The following IARS2 variants were observed in gnomAD, a reference collection of about 807,000 sequenced individuals.
The protein encoded by IARS2 is isoleucine--tRNA ligase, mitochondrial.
In IARS2, 56 loss-of-function variants were observed where a neutral mutation model predicts 126.3. The observed-to-expected ratio is 0.44, with a 90% CI of 0.36 to 0.55. The LOEUF is 0.55. IARS2 is among the 20% of genes least tolerant of loss of function. The pLI is 0.00. For missense variants in IARS2, 1,127 were observed against 1,245.9 expected (o/e 0.90, Z 1.44); for synonymous variants, 407 against 441.1 (o/e 0.92, Z 0.97).
At chr1:220,128,101 T>G (rs985104283) in intron 14 of IARS2, among the ~76,000 whole-genome samples, 5 of 152,170 alleles carry the variant, frequency 3.3e-5, no homozygotes, top group Admixed American at 3.3e-4. Flanking sequence ...ATATGCAATT[T>G]TTTTCAATGA....
intron 14 of IARS2, among the ~76,000 whole-genome samples, chr1:220,132,622 T>A (rs760941384): frequency 6.7e-6 from 1 of 150,166 alleles, no homozygotes; most frequent in African/African-American, 2.5e-5. Context: ...ACCTCCCAGG[T>A]TCAAGCAGTT....
Position 220,125,178 on chromosome 1 carries a change from T to C in IARS2, c.1641-59T>C, listed in dbSNP as rs1338192425. On this transcript the variant is annotated intron_variant, in intron 12 of 22. Transcript: ENST00000366922. ...AAATCACTATTTCTTAATTTTAAAATGTTTGTTATTCATCACAATAGTTAA... is the reference window on the plus strand; with the variant it reads ...AAATCACTATTTCTTAATTTTAAAACGTTTGTTATTCATCACAATAGTTAA... 8 of 943,610 alleles carry C rather than the reference T, an allele frequency of 8.5e-6. No individual in the cohort carries two copies. The Admixed American group carries it at 1.8e-4, about 22-fold the overall frequency. 58.5% of individuals were successfully genotyped at this position (943,610 alleles called of 1,614,324 possible).
intron 12 of IARS2, among the ~76,000 whole-genome samples, chr1:220,115,709 A>G (rs1656899906): frequency 6.6e-6 from 1 of 151,462 alleles, no homozygotes; most frequent in Non-Finnish European, 1.5e-5. Context: ...AGTTGCTTGG[A>G]AATCTGTGAG....
At chr1:220,135,295 A>G (rs893564027) in intron 15 of IARS2, among the ~76,000 whole-genome samples, 2 of 152,224 alleles carry the variant, frequency 1.3e-5, no homozygotes, top group African/African-American at 4.8e-5. Flanking sequence ...AATCAGAAAG[A>G]TTCCTAAATA....
Position 220,114,420 on chromosome 1 carries a change from G to A in IARS2, c.1586G>A (p.Gly529Asp). 1 of 1,613,868 alleles carries A rather than the reference G, an allele frequency of 6.2e-7. No individual in the cohort carries two copies. The highest frequency in any genetic ancestry group is 8.5e-7 in the Non-Finnish European group (1 of 1,179,838). Reference protein sequence around the residue: ...YWCISRQRVWGVPIPVFHHKT... With the variant: ...YWCISRQRVWDVPIPVFHHKT... ...TGTATATCAAGGCAAAGAGTTTGGG[G>A]TGTTCCAATTCCTGTGTTTCATCAT... Residue 529 changes from glycine (G) to aspartate (D), a missense_variant, in exon 12 of 23, where the codon GGT (glycine) becomes GAT (aspartate). By Grantham distance (94) the Gly-to-Asp change is moderately conservative. Coordinates refer to ENST00000366922, the MANE Select transcript of IARS2 (RefSeq NM_018060.4).
In IARS2 at chr1:220,114,462, A is replaced by G; in HGVS notation, c.1628A>G (p.Tyr543Cys). The G allele has an allele frequency of 6.2e-7, 1 of 1,610,208 alleles. No homozygotes were observed. Among genetic ancestry groups the G allele is most frequent in the Non-Finnish European group, 8.5e-7 (1 of 1,178,752 alleles). The change falls in exon 12 of 23, where the codon TAC becomes TGC. Residue 543 changes from tyrosine (Y) to cysteine (C), a missense_variant. Coordinates refer to ENST00000366922, the MANE Select transcript of IARS2 (RefSeq NM_018060.4). ...PVFHHKTKDE[Y>C]LINSQTTEHI... Reference sequence around the variant, plus strand: ...TTTCATCATAAGACCAAGGATGAATACTTGATCAACAGGTAGAATGCTTTC... The same window carrying G: ...TTTCATCATAAGACCAAGGATGAATGCTTGATCAACAGGTAGAATGCTTTC...
At chr1:220,145,915 G>A (rs968290588) in intron 22 of IARS2, among the ~76,000 whole-genome samples, 1 of 152,178 alleles carries the variant, frequency 6.6e-6, no homozygotes, top group Admixed American at 6.5e-5. Flanking sequence ...AATGGTCACT[G>A]TATATGAAGT....
At chr1:220,140,388 A>G (rs899977688) in intron 19 of IARS2, 99 bp downstream of exon 19, 123 of 706,714 alleles carry the variant, frequency 1.7e-4, no homozygotes, top group Middle Eastern at 3.7e-4. Context: ...GGTGGATGAC[A>G]TGAGGCCAGG....
chr1:220,097,421 T>C (rs2102816038), intron 2 of IARS2, among the ~76,000 whole-genome samples: 1 of 149,748 alleles, frequency 6.7e-6, no homozygotes, highest in South Asian at 2.1e-4. Context: ...TGGAGTGCAG[T>C]GGTGCAATCT....
chr1:220,110,974 T>C, intron 11 of IARS2, 37 bp downstream of exon 11: 2 of 1,599,490 alleles, frequency 1.3e-6, no homozygotes, highest in Non-Finnish European at 1.7e-6. Context: ...GTCGGGCATA[T>C]CATTCCCTCA....
chr1:220,115,247 T>C (rs1215465182), intron 12 of IARS2, among the ~76,000 whole-genome samples: 2 of 152,194 alleles, frequency 1.3e-5, no homozygotes, highest in Non-Finnish European at 2.9e-5. Context: ...TCTTAAGCTT[T>C]ATTAAAGCAT....
Position 220,095,709 on chromosome 1 carries a change from T to C in IARS2, c.268-395T>C, listed in dbSNP as rs1295365259. 2.0e-5 allele frequency among the ~76,000 whole-genome samples: 3 copies of C among 152,154 alleles called. No individual in the cohort carries two copies. In the East Asian group the frequency reaches 5.8e-4, roughly 29 times the overall value. The stretch of plus-strand genomic sequence containing the variant: ...GCATGTTGTTCCCAGATTTGGGGAA[T>C]GGCAAGCATTGCCGCCAAAGAATAG... On this transcript the variant is annotated intron_variant, in intron 1 of 22. Coordinates refer to ENST00000366922, the MANE Select transcript of IARS2 (RefSeq NM_018060.4).
intron 12 of IARS2, chr1:220,118,167 T>A: frequency 2.0e-6 from 1 of 502,106 alleles, no homozygotes; most frequent in South Asian, 1.5e-5. Flanking sequence ...TTGGTAACCA[T>A]CAAAAGTAAC....
chr1:220,114,372 T>A lies in IARS2; in HGVS notation c.1538T>A (p.Met513Lys). Residue 513 changes from methionine to lysine, a missense_variant, in exon 12 of 23, where the codon ATG (methionine) becomes AAG (lysine). Physicochemically the swap from Met to Lys is moderately conservative, Grantham distance 95. Transcript: ENST00000366922. ...PGSALNGMVE[M>K]MDRRPYWCIS... ...TCAGCACTGAATGGCATGGTTGAAA[T>A]GATGGACAGGCGGCCATATTGGTGT... is the stretch of plus-strand genomic sequence containing the variant. 6.2e-7 allele frequency: 1 copy of A among 1,614,022 alleles called. No homozygotes were observed. The highest frequency in any genetic ancestry group is 8.5e-7 in the Non-Finnish European group (1 of 1,179,870).
intron 12 of IARS2, among the ~76,000 whole-genome samples, chr1:220,118,449 T>C (rs531528718): frequency 6.6e-6 from 1 of 152,218 alleles, no homozygotes; most frequent in Admixed American, 6.5e-5. Context: ...AAGAAATAAT[T>C]CCATTTCTGA....
chr1:220,132,019 A>T (rs1657280804), intron 14 of IARS2, among the ~76,000 whole-genome samples: 2 of 150,870 alleles, frequency 1.3e-5, no homozygotes, highest in Non-Finnish European at 3.0e-5. Context: ...GATGGTCTCG[A>T]TCTCCTGACC....
chr1:220,113,735 CT>C (rs1208862973), intron 11 of IARS2, among the ~76,000 whole-genome samples: 1 of 152,042 alleles, frequency 6.6e-6, no homozygotes, highest in Non-Finnish European at 1.5e-5. Context: ...ACCTTGAACT[CT>C]TGGGCTCAAG....
chr1:220,146,833 G>A (rs3767656), intron 22 of IARS2, among the ~76,000 whole-genome samples: 7,449 of 151,978 alleles, frequency 0.049, 205 homozygotes, highest in African/African-American at 0.074. Context: ...CACCACACCC[G>A]GCCAATTTTT....
chr1:220,136,760 G>C lies in IARS2; in HGVS notation c.1947-49G>C, dbSNP rs752594647. 4.1e-6 allele frequency: 4 copies of C among 976,284 alleles called. No individual in the cohort carries two copies. The Admixed American group carries it at 6.7e-5, about 16-fold the overall frequency. 60.5% of individuals were successfully genotyped at this position (976,284 alleles called of 1,614,324 possible). A position where few individuals can be genotyped will look rare whatever the true frequency, so the allele number is the denominator to read the frequency against. On this transcript the variant is annotated intron_variant, in intron 15 of 22. Transcript: ENST00000366922. ...TTAAGCTGTACCTAATCTTCAAAAA[G>C]ATAATTATAATTGTGTTTATCATTA...
Sources: allele counts gnomAD v4.1 joint callset (sites outside exome capture counted in the v4.1 genomes callset), GRCh38; gene constraint gnomAD v4.1.1; transcripts MANE v1.5; gene names NCBI Gene and HGNC (gene_info 2026-07-23, HGNC 2026-07-21).